The following ADAM12 variants were observed in gnomAD, a reference collection of about 807,000 sequenced individuals.
ADAM12 encodes ADAM metallopeptidase domain 12, also known as disintegrin and metalloproteinase domain-containing protein 12.
Under a neutral mutation model 106.4 loss-of-function variants are expected in ADAM12, and 70 were observed. The observed-to-expected ratio is 0.66, with a 90% CI of 0.54 to 0.80. The LOEUF is 0.80. Ranked by LOEUF, ADAM12 falls within the 30% of genes least tolerant of loss-of-function variation. The pLI is 0.00. For missense variants in ADAM12, 1,010 were observed against 1,171.9 expected (o/e 0.86, Z 2.02); for synonymous variants, 420 against 433.5 (o/e 0.97, Z 0.39).
intron 2 of ADAM12, among the ~76,000 whole-genome samples, chr10:126,292,007 A>C (rs1960172755): frequency 6.6e-6 from 1 of 152,112 alleles, no homozygotes; most frequent in South Asian, 2.1e-4. Flanking sequence ...AAACATTAGA[A>C]AAATCAGCCA....
chr10:126,071,048 C>T (rs553355572), intron 12 of ADAM12, among the ~76,000 whole-genome samples: 1 of 152,310 alleles, frequency 6.6e-6, no homozygotes, highest in African/African-American at 2.4e-5. Flanking sequence ...AGAATTTCAA[C>T]TGCAGAGGAA....
At chr10:126,074,318 G>A (rs188387104) in intron 11 of ADAM12, among the ~76,000 whole-genome samples, 2 of 152,302 alleles carry the variant, frequency 1.3e-5, no homozygotes, top group Non-Finnish European at 1.5e-5. Context: ...AGCAGAGAAC[G>A]TCCGTAGACC....
chr10:126,105,460 G>A (rs1276070436), intron 8 of ADAM12, among the ~76,000 whole-genome samples: 4 of 152,134 alleles, frequency 2.6e-5, no homozygotes, highest in South Asian at 2.1e-4. Context: ...GGTCCAACTC[G>A]CTCACCTTGG....
chr10:126,349,395 T>C (rs1257455201), intron 1 of ADAM12, among the ~76,000 whole-genome samples: 1 of 152,208 alleles, frequency 6.6e-6, no homozygotes, highest in Admixed American at 6.5e-5. Context: ...ACACATGGTT[T>C]ATATAGGGAG....
At chr10:126,117,632 C>T (rs1428426531) in intron 6 of ADAM12, among the ~76,000 whole-genome samples, 3 of 151,872 alleles carry the variant, frequency 2.0e-5, no homozygotes, top group Non-Finnish European at 2.9e-5. Context: ...AGATGGAGAG[C>T]TGCTAGAGAG....
At chr10:126,061,996 C>T (rs12250919) in intron 14 of ADAM12, among the ~76,000 whole-genome samples, 1,896 of 152,268 alleles carry the variant, frequency 0.012, 22 homozygotes, top group African/African-American at 0.043. Context: ...TGGTCAAAGG[C>T]CCATTCCAAG....
At chr10:126,056,355 C>G (rs2133457524) in intron 14 of ADAM12, among the ~76,000 whole-genome samples, 1 of 152,262 alleles carries the variant, frequency 6.6e-6, no homozygotes, top group Middle Eastern at 3.4e-3. Context: ...TTTCATCAGC[C>G]ATGTAAACAC....
chr10:126,139,740 C>T (rs950710514), intron 4 of ADAM12, among the ~76,000 whole-genome samples: 1 of 151,940 alleles, frequency 6.6e-6, no homozygotes, highest in Non-Finnish European at 1.5e-5. Flanking sequence ...CCTGTTCCTC[C>T]CCCAGAGAAG....
intron 2 of ADAM12, among the ~76,000 whole-genome samples, chr10:126,287,683 A>G (rs1423384162): frequency 6.6e-6 from 1 of 151,750 alleles, no homozygotes; most frequent in Non-Finnish European, 1.5e-5. Context: ...CTGCCAAAAC[A>G]TCTTCCCTGG....
chr10:126,244,051 C>G (rs1412048335), intron 3 of ADAM12, among the ~76,000 whole-genome samples: 4 of 152,208 alleles, frequency 2.6e-5, no homozygotes, highest in Admixed American at 2.6e-4. Flanking sequence ...ACTGCCTACT[C>G]ATGTTTTGGC....
intron 3 of ADAM12, among the ~76,000 whole-genome samples, chr10:126,176,245 T>C (rs1957217953): frequency 1.3e-5 from 2 of 152,238 alleles, no homozygotes; most frequent in African/African-American, 4.8e-5. Context: ...TTAACATGCG[T>C]TCAAGGCCTT....
At chr10:126,202,184 C>T (rs1434430146) in intron 3 of ADAM12, among the ~76,000 whole-genome samples, 3 of 152,258 alleles carry the variant, frequency 2.0e-5, no homozygotes, top group Non-Finnish European at 2.9e-5. Flanking sequence ...TACTCCGAAA[C>T]TTATTCCCAT....
chr10:126,051,510 C>G (rs1040493953), intron 14 of ADAM12, among the ~76,000 whole-genome samples: 2 of 148,234 alleles, frequency 1.3e-5, no homozygotes, highest in African/African-American at 5.0e-5. Context: ...CCCGTCCATC[C>G]ATCCATCCAT....
chr10:126,044,925 C>T (rs749928090), intron 17 of ADAM12, among the ~76,000 whole-genome samples: 24 of 152,288 alleles, frequency 1.6e-4, no homozygotes, highest in East Asian at 9.7e-4. Context: ...TGTGGTCATG[C>T]GCCTTGTTTT....
chr10:126,277,821 C>T (rs1011124346), intron 3 of ADAM12, among the ~76,000 whole-genome samples: 9 of 152,130 alleles, frequency 5.9e-5, no homozygotes, highest in African/African-American at 2.2e-4. Context: ...TTGCAGATCC[C>T]AGGGAGCAGG....
At chr10:126,193,264 CAAAAAAAAAAAAAAAAA>C (rs757716875) in intron 3 of ADAM12, among the ~76,000 whole-genome samples, 3 of 26,608 alleles carry the variant, frequency 1.1e-4, no homozygotes, top group African/African-American at 1.7e-4. Flanking sequence ...GACTCCATCT[CAAAAAAAAAAAAAAAAA>C]AAAAAAAAAA....
rs1854775325 is a variant in ADAM12, at chr10:126,338,136, T to C, written c.89-7627A>G. ...TTATAGCTTCTCATAAATGTCTAAA[T>C]AGATTCATACCCCAAGCACGAGCTG... On this transcript the variant is annotated intron_variant, in intron 1 of 22. Coordinates refer to ENST00000448723, the MANE Select transcript of ADAM12 (RefSeq NM_001288973.2). 2.0e-5 allele frequency among the ~76,000 whole-genome samples: 3 copies of C among 151,980 alleles called. No homozygotes were observed. In the South Asian group the frequency reaches 6.2e-4, roughly 32 times the overall value.
At chr10:126,192,126 G>T (rs975512426) in intron 3 of ADAM12, among the ~76,000 whole-genome samples, 4 of 152,204 alleles carry the variant, frequency 2.6e-5, no homozygotes, top group Non-Finnish European at 2.9e-5. Flanking sequence ...TTTGACATAA[G>T]ATTTGGGTGG....
chr10:126,272,451 G>A (rs976498310), intron 3 of ADAM12, among the ~76,000 whole-genome samples: 1 of 152,044 alleles, frequency 6.6e-6, no homozygotes, highest in Non-Finnish European at 1.5e-5. Flanking sequence ...GATCTTGGGA[G>A]GCATGAGCAA....
Sources: allele counts gnomAD v4.1 joint callset (sites outside exome capture counted in the v4.1 genomes callset), GRCh38; gene constraint gnomAD v4.1.1; transcripts MANE v1.5; gene names NCBI Gene and HGNC (gene_info 2026-07-23, HGNC 2026-07-21).